DSCAM: variants seen among roughly 807,000 people sequenced by gnomAD.
DSCAM encodes the protein cell adhesion molecule DSCAM.
In DSCAM, 47 loss-of-function variants were observed where a neutral mutation model predicts 217.7. The ratio of observed to expected loss-of-function variants is 0.22; its 90% CI spans 0.17 to 0.28. DSCAM has a LOEUF of 0.28. DSCAM is among the 10% of genes least tolerant of loss of function. The pLI, the probability that DSCAM is intolerant of heterozygous loss-of-function variation, is 1.00. For synonymous variants in DSCAM, 1,056 were observed against 1,015.3 expected (o/e 1.04, Z -0.76); for missense variants, 2,080 against 2,618.3 (o/e 0.79, Z 4.49).
chr21:40,049,160 T>C (rs2088889297), intron 30 of DSCAM, among the ~76,000 whole-genome samples: 1 of 152,148 alleles, frequency 6.6e-6, no homozygotes, highest in Non-Finnish European at 1.5e-5. Flanking sequence ...CTATAAGCTA[T>C]AGTGTTTCCC....
intron 11 of DSCAM, among the ~76,000 whole-genome samples, chr21:40,260,607 T>G (rs2073437286): frequency 6.6e-6 from 1 of 152,168 alleles, no homozygotes; most frequent in African/African-American, 2.4e-5. Context: ...GCACTTGCAT[T>G]CTACAAAGAA....
chr21:40,167,168 G>T, intron 16 of DSCAM, 50 bp downstream of exon 16: 1 of 1,563,338 alleles, frequency 6.4e-7, no homozygotes, highest in Non-Finnish European at 8.8e-7. Flanking sequence ...GGAGTGAAGG[G>T]CTCGCCCTGG....
In DSCAM at chr21:40,148,790, C is replaced by G. The variant is rs150369887; in HGVS notation, c.3019-4059G>C. 2.1e-3 allele frequency among the ~76,000 whole-genome samples: 326 copies of G among 152,182 alleles called. 2 individuals carry two copies. The highest frequency in any genetic ancestry group is 7.6e-3 in the African/African-American group (314 of 41,510). On this transcript the variant is annotated intron_variant, in intron 16 of 32. Coordinates refer to ENST00000400454, the MANE Select transcript of DSCAM (RefSeq NM_001389.5). The stretch of plus-strand genomic sequence containing the variant: ...GTCAAAAATACTGTGAACACCACCA[C>G]CACCAGCAATAGCATCTCTACCACT...
In DSCAM at chr21:40,697,285, T is replaced by C. The variant is rs1395038977; in HGVS notation, c.362-4329A>G. ...TAGTCTCCCCATTCTGCATGTTGTCTCTTCAACTTTGCTGATTTTTATTTT... is the reference window on the plus strand; with the variant it reads ...TAGTCTCCCCATTCTGCATGTTGTCCCTTCAACTTTGCTGATTTTTATTTT... On this transcript the variant is annotated intron_variant, in intron 2 of 32. Coordinates refer to ENST00000400454, the MANE Select transcript of DSCAM (RefSeq NM_001389.5). Among the ~76,000 whole-genome samples the C allele has an allele frequency of 2.6e-5, 4 of 152,250 alleles. No individual in the cohort carries two copies. The East Asian group carries it at 7.7e-4, about 29-fold the overall frequency.
intron 11 of DSCAM, among the ~76,000 whole-genome samples, chr21:40,231,923 T>A (rs375989576): frequency 1.3e-5 from 2 of 152,326 alleles, no homozygotes; most frequent in East Asian, 3.9e-4. Flanking sequence ...ACCAATCTGA[T>A]ATATATTTGA....
intron 11 of DSCAM, among the ~76,000 whole-genome samples, chr21:40,270,462 C>A (rs2123360993): frequency 6.6e-6 from 1 of 152,304 alleles, no homozygotes; most frequent in East Asian, 1.9e-4. Context: ...GTGCTGGTGA[C>A]TGAATTTAGG....
chr21:40,320,190 A>T (rs2074244693), intron 8 of DSCAM, among the ~76,000 whole-genome samples: 1 of 152,220 alleles, frequency 6.6e-6, no homozygotes, highest in Non-Finnish European at 1.5e-5. Context: ...GTACCTTGGA[A>T]CTTAAAATTA....
chr21:40,140,619 A>C (rs894669898), intron 18 of DSCAM, among the ~76,000 whole-genome samples: 2 of 152,130 alleles, frequency 1.3e-5, no homozygotes, highest in Non-Finnish European at 2.9e-5. Context: ...CAGAAGAAAC[A>C]TATGTAATGA....
At chr21:40,165,762 G>A (rs763410865) in intron 16 of DSCAM, among the ~76,000 whole-genome samples, 16 of 152,192 alleles carry the variant, frequency 1.1e-4, no homozygotes, top group Non-Finnish European at 1.9e-4. Flanking sequence ...GGCAAAACAC[G>A]AGAGAATGTG....
intron 32 of DSCAM, among the ~76,000 whole-genome samples, chr21:40,033,188 G>A (rs541655122): frequency 3.3e-5 from 5 of 152,182 alleles, no homozygotes; most frequent in African/African-American, 7.2e-5. Context: ...TGGCCGAATA[G>A]GAACAGCTCC....
intron 3 of DSCAM, among the ~76,000 whole-genome samples, chr21:40,563,471 ATATT>A (rs1209564799): frequency 4.7e-5 from 7 of 147,482 alleles, no homozygotes; most frequent in Admixed American, 4.1e-4. Context: ...ATATATATAT[ATATT>A]TGTTTATATA....
chr21:40,563,547 TTA>T (rs1171061031), intron 3 of DSCAM, among the ~76,000 whole-genome samples: 34 of 135,310 alleles, frequency 2.5e-4, no homozygotes, highest in East Asian at 1.1e-3. Flanking sequence ...AGTTATATGT[TTA>T]TATATGTTTA....
At chr21:40,121,681 CTTTTTTTTTTTTT>C (rs201672838) in intron 20 of DSCAM, among the ~76,000 whole-genome samples, 17 of 73,750 alleles carry the variant, frequency 2.3e-4, no homozygotes, top group Admixed American at 1.2e-3. Flanking sequence ...TCATTACTGT[CTTTTTTTTTTTTT>C]TTTTTTTTTT....
intron 1 of DSCAM, among the ~76,000 whole-genome samples, chr21:40,818,278 G>A (rs549044553): frequency 6.6e-6 from 1 of 151,572 alleles, no homozygotes; most frequent in East Asian, 2.0e-4. Context: ...CGGGTGCAGT[G>A]GCTCACGCCT....
At chr21:40,050,408 T>A (rs1243868682) in intron 30 of DSCAM, among the ~76,000 whole-genome samples, 1 of 152,158 alleles carries the variant, frequency 6.6e-6, no homozygotes, top group Non-Finnish European at 1.5e-5. Flanking sequence ...TGGAGCAGTG[T>A]CTTGGAGTAG....
chr21:40,713,217 T>C (rs1342335341), intron 1 of DSCAM, among the ~76,000 whole-genome samples: 2 of 152,168 alleles, frequency 1.3e-5, no homozygotes, highest in Non-Finnish European at 2.9e-5. Context: ...TTAGGCCATA[T>C]ATGGCACCAA....
chr21:40,569,556 C>T (rs543714183), intron 3 of DSCAM, among the ~76,000 whole-genome samples: 9 of 152,282 alleles, frequency 5.9e-5, no homozygotes, highest in South Asian at 4.1e-4. Context: ...GCCTGCCCTA[C>T]GGATTTCAGA....
intron 3 of DSCAM, among the ~76,000 whole-genome samples, chr21:40,458,090 ATC>A (rs1295365159): frequency 6.6e-6 from 1 of 152,246 alleles, no homozygotes; most frequent in African/African-American, 2.4e-5. Context: ...TTCAATTCAC[ATC>A]TCTCAGTCCA....
rs1316198142 is a variant in DSCAM, at chr21:40,312,061, GCT to G, written c.2062+18_2062+19del. On this transcript the variant is annotated intron_variant, in intron 9 of 32. Transcript: ENST00000400454. Reference sequence around the variant, plus strand: ...AAATCAACTCTACAGATGCCACATGGCTCATGATCCTTTGCTCACCTCTGACA... The same window carrying G: ...AAATCAACTCTACAGATGCCACATGGCATGATCCTTTGCTCACCTCTGACA... 3 of 1,604,980 alleles carry G rather than the reference GCT, an allele frequency of 1.9e-6. No homozygotes were observed. The highest frequency in any genetic ancestry group is 2.6e-6 in the Non-Finnish European group (3 of 1,174,262).
Sources: gnomAD v4.1 joint callset for allele counts (sites outside exome capture counted in the v4.1 genomes callset) on GRCh38, gnomAD v4.1.1 for gene constraint, MANE v1.5 for transcripts, NCBI Gene and HGNC (gene_info 2026-07-23, HGNC 2026-07-21) for gene names.